The following METTL15 variants were observed in gnomAD, a reference collection of about 807,000 sequenced individuals.
METTL15 encodes the protein 12S rRNA N(4)-cytidine methyltransferase METTL15.
A neutral mutation model predicts 38.3 loss-of-function variants in METTL15; 34 were observed. The ratio of observed to expected loss-of-function variants is 0.89; its 90% confidence interval spans 0.68 to 1.18. METTL15 has a LOEUF of 1.18. METTL15 is among the 50% of genes most tolerant of loss of function. The pLI is 0.00. For missense variants in METTL15, 438 were observed against 498.4 expected (o/e 0.88, Z 1.15); for synonymous variants, 162 against 170.9 (o/e 0.95, Z 0.41).
At chr11:28,297,530 C>T (rs1856784531) in intron 6 of METTL15, among the ~76,000 whole-genome samples, 1 of 152,118 alleles carries the variant, frequency 6.6e-6, no homozygotes. Context: ...AACATTTCAT[C>T]TTTTCTGCTA....
chr11:28,493,229 C>A (rs1024422947), intron 6 of METTL15, among the ~76,000 whole-genome samples: 1 of 152,022 alleles, frequency 6.6e-6, no homozygotes, highest in Non-Finnish European at 1.5e-5. Flanking sequence ...TGGCCCTGGA[C>A]CCCAGGGTTT....
chr11:28,269,363 T>A (rs1403362763), intron 4 of METTL15, among the ~76,000 whole-genome samples: 1 of 152,086 alleles, frequency 6.6e-6, no homozygotes, highest in East Asian at 1.9e-4. Context: ...AACTTGCACA[T>A]GCTTTATATC....
intron 3 of METTL15, among the ~76,000 whole-genome samples, chr11:28,170,247 T>G (rs924299395): frequency 1.3e-5 from 2 of 152,176 alleles, no homozygotes; most frequent in African/African-American, 4.8e-5. Flanking sequence ...TTTCATTTTC[T>G]CTGACCTCTG....
intron 2 of METTL15, 28 bp from the exon 3 acceptor site, chr11:28,113,290 A>G (rs918642048): frequency 7.0e-7 from 1 of 1,430,918 alleles, no homozygotes; most frequent in Non-Finnish European, 9.5e-7. Context: ...AAAAAATCCA[A>G]CAATCATATT....
At chr11:28,213,041 T>C (rs1038628746) in intron 4 of METTL15, among the ~76,000 whole-genome samples, 3 of 152,164 alleles carry the variant, frequency 2.0e-5, no homozygotes, top group African/African-American at 7.2e-5. Context: ...ATAGATGAAG[T>C]GATTTGCTAA....
chr11:28,237,986 G>A (rs570395618), intron 4 of METTL15, among the ~76,000 whole-genome samples: 2 of 152,150 alleles, frequency 1.3e-5, no homozygotes, highest in South Asian at 2.1e-4. Context: ...AGGAGTACCC[G>A]GCCGTATGAG....
intron 6 of METTL15, among the ~76,000 whole-genome samples, chr11:28,457,592 A>G (rs1851179748): frequency 1.3e-5 from 2 of 152,190 alleles, no homozygotes; most frequent in African/African-American, 4.8e-5. Flanking sequence ...GAAAACTCAC[A>G]TGGCACATAA....
Position 28,290,154 on chromosome 11 carries a change from A to G in METTL15, c.408-52A>G, listed in dbSNP as rs1340085717. On this transcript the variant is annotated intron_variant, in intron 4 of 6. Coordinates refer to ENST00000407364, the MANE Select transcript of METTL15 (RefSeq NM_001113528.2). ...CCTTCCATTGATCATAGACTTTAGAAAGACTTCAATCTAACAGAAGTGTTT... is the reference window on the plus strand; with the variant it reads ...CCTTCCATTGATCATAGACTTTAGAGAGACTTCAATCTAACAGAAGTGTTT... 7 of 1,465,804 alleles carry G rather than the reference A, an allele frequency of 4.8e-6. No individual in the cohort carries two copies. The Admixed American group carries it at 1.2e-4, about 24-fold the overall frequency. The allele number at this position is 1,465,804 out of a possible 1,614,324, so 90.8% of individuals were successfully genotyped here. A position where few individuals can be genotyped will look rare whatever the true frequency, so the allele number is the denominator to read the frequency against.
At chr11:28,195,307 G>T (rs1851869516) in intron 3 of METTL15, among the ~76,000 whole-genome samples, 1 of 152,064 alleles carries the variant, frequency 6.6e-6, no homozygotes, top group African/African-American at 2.4e-5. Flanking sequence ...TTCCATAAGG[G>T]TTATACTAAT....
At chr11:28,532,160 T>G in the METTL15 span, among the ~76,000 whole-genome samples, 1 of 152,128 alleles carries the variant, frequency 6.6e-6, no homozygotes, top group Non-Finnish European at 1.5e-5. Context: ...GTCTGTACTT[T>G]CAGGGACTTA....
intron 3 of METTL15, among the ~76,000 whole-genome samples, chr11:28,169,576 T>G (rs921754383): frequency 1.3e-5 from 2 of 152,166 alleles, no homozygotes; most frequent in African/African-American, 4.8e-5. Context: ...TTGAAATTCC[T>G]TAGTCATTTT....
chr11:28,376,202 G>A (rs1760663473), intron 5 of METTL15, among the ~76,000 whole-genome samples: 1 of 151,890 alleles, frequency 6.6e-6, no homozygotes, highest in Non-Finnish European at 1.5e-5. Flanking sequence ...GCAGAGCTGA[G>A]TTCAATTCGT....
chr11:28,330,427 G>A lies in METTL15; in HGVS notation c.810G>A (p.Arg270=), dbSNP rs1849776958. ...TTCCTCCCTCTGCTATTTATACACGGAAAGACTTACTACAGCGATCTACCC... is the reference window on the plus strand; with the variant it reads ...TTCCTCCCTCTGCTATTTATACACGAAAAGACTTACTACAGCGATCTACCC... ...GAFPPSAIYT[R]KDLLQRSTHI... The change falls in exon 7 of 7, where the codon CGG becomes CGA. Residue 270 remains arginine, a synonymous_variant. Coordinates refer to ENST00000407364, the MANE Select transcript of METTL15 (RefSeq NM_001113528.2). The A allele has an allele frequency of 3.2e-6, 5 of 1,549,342 alleles. No homozygotes were observed. The highest frequency in any genetic ancestry group is 1.2e-5 in the South Asian group (1 of 83,454).
intron 6 of METTL15, among the ~76,000 whole-genome samples, chr11:28,477,771 T>C (rs925072303): frequency 2.0e-5 from 3 of 152,218 alleles, no homozygotes; most frequent in African/African-American, 7.2e-5. Context: ...AGCCCTTCCA[T>C]TGTTTTTAAT....
intron 3 of METTL15, among the ~76,000 whole-genome samples, chr11:28,343,843 G>A (rs149806392): frequency 6.6e-6 from 1 of 152,254 alleles, no homozygotes; most frequent in East Asian, 1.9e-4. Context: ...GAAGACTGCT[G>A]TTTAATATAG....
chr11:28,382,491 T>A (rs1850399098), intron 5 of METTL15, among the ~76,000 whole-genome samples: 2 of 152,062 alleles, frequency 1.3e-5, no homozygotes, highest in South Asian at 4.1e-4. Context: ...AGGGGGAAAT[T>A]TACCATGTGC....
At chr11:28,113,040 T>C (rs1211201094) in intron 2 of METTL15, among the ~76,000 whole-genome samples, 4 of 152,210 alleles carry the variant, frequency 2.6e-5, no homozygotes, top group South Asian at 2.1e-4. Context: ...TCAATTTTCA[T>C]ATCCCTAATG....
intron 3 of METTL15, among the ~76,000 whole-genome samples, chr11:28,177,768 G>GT (rs945332658): frequency 1.3e-5 from 2 of 151,856 alleles, no homozygotes; most frequent in African/African-American, 4.8e-5. Context: ...ATCTGCTAGA[G>GT]TTTTTTTGGG....
At chr11:28,525,774 T>G (rs1851805231) in intron 6 of METTL15, among the ~76,000 whole-genome samples, 1 of 152,268 alleles carries the variant, frequency 6.6e-6, no homozygotes, top group Non-Finnish European at 1.5e-5. Flanking sequence ...TGGAGCTGCC[T>G]GCCAGTACCG....
Sources: gnomAD v4.1 joint callset for allele counts (sites outside exome capture counted in the v4.1 genomes callset) on GRCh38, gnomAD v4.1.1 for gene constraint, MANE v1.5 for transcripts, NCBI Gene and HGNC (gene_info 2026-07-23, HGNC 2026-07-21) for gene names.